IL1RAPL1: variants seen among roughly 807,000 people sequenced by gnomAD.
IL1RAPL1 encodes interleukin 1 receptor accessory protein like 1, also known as interleukin-1 receptor accessory protein-like 1.
A neutral mutation model predicts 48.4 loss-of-function variants in IL1RAPL1; 3 were observed. The observed-to-expected ratio is 0.06, with a 90% CI of 0.03 to 0.16. The LOEUF is 0.16. IL1RAPL1 is among the 10% of genes least tolerant of loss of function. IL1RAPL1 has a pLI of 1.00. For synonymous variants in IL1RAPL1, 185 were observed against 187.7 expected, an observed-to-expected ratio of 0.99 and a Z score of 0.12; for missense variants, 349 against 530.6, an observed-to-expected ratio of 0.66 and a Z score of 3.36.
At chrX:28,747,859 T>G (rs958579956) in intron 1 of IL1RAPL1, among the ~76,000 whole-genome samples, 34 of 111,792 alleles carry the variant, frequency 3.0e-4, no homozygotes, top group Non-Finnish European at 5.8e-4. Context: ...TCTGGAACAT[T>G]GTCTACCATT....
chrX:28,696,026 C>T (rs1421840044), intron 1 of IL1RAPL1, among the ~76,000 whole-genome samples: 2 of 112,037 alleles, frequency 1.8e-5, no homozygotes, highest in Non-Finnish European at 3.8e-5. Flanking sequence ...CAGGGTATAA[C>T]AAGATAATAC....
intron 5 of IL1RAPL1, among the ~76,000 whole-genome samples, chrX:29,509,756 A>T (rs998496082): frequency 1.8e-5 from 2 of 112,228 alleles, no homozygotes; most frequent in African/African-American, 6.5e-5. Context: ...GATATTTAGT[A>T]CATTTGAATG....
intron 6 of IL1RAPL1, among the ~76,000 whole-genome samples, chrX:29,767,554 T>G (rs1928944982): frequency 8.9e-6 from 1 of 112,095 alleles, no homozygotes; most frequent in South Asian, 3.7e-4. Flanking sequence ...CAGGTTAGCA[T>G]TAATTGCTAA....
At chrX:29,033,863 A>G (rs1926671656) in intron 2 of IL1RAPL1, among the ~76,000 whole-genome samples, 2 of 108,529 alleles carry the variant, frequency 1.8e-5, no homozygotes, top group African/African-American at 3.3e-5. Flanking sequence ...GGCAGTACCA[A>G]TGAGAATGAA....
At chrX:29,045,981 T>C (rs868575307) in intron 2 of IL1RAPL1, among the ~76,000 whole-genome samples, 1 of 77,660 alleles carries the variant, frequency 1.3e-5, no homozygotes, top group African/African-American at 5.3e-5. Flanking sequence ...CTCCTCCTTC[T>C]TCCTCCTCCT....
chrX:29,554,858 A>G (rs2084641432), intron 5 of IL1RAPL1, among the ~76,000 whole-genome samples: 1 of 112,540 alleles, frequency 8.9e-6, no homozygotes, highest in African/African-American at 3.2e-5. Flanking sequence ...ACTCATGTAC[A>G]TAAACACACT....
intron 1 of IL1RAPL1, among the ~76,000 whole-genome samples, chrX:28,619,524 T>C (rs1419851478): frequency 9.7e-6 from 1 of 102,985 alleles, no homozygotes; most frequent in Non-Finnish European, 1.9e-5. Context: ...GGAGGATTGC[T>C]GGAGCCCAGG....
chrX:28,684,062 A>G (rs1015086486), intron 1 of IL1RAPL1, among the ~76,000 whole-genome samples: 3 of 112,532 alleles, frequency 2.7e-5, no homozygotes, highest in East Asian at 2.8e-4. Flanking sequence ...TCTGTTTACC[A>G]TAGCTTGACC....
intron 2 of IL1RAPL1, among the ~76,000 whole-genome samples, chrX:29,123,699 T>C (rs1032106589): frequency 3.6e-5 from 4 of 111,353 alleles, no homozygotes; most frequent in African/African-American, 1.3e-4. Flanking sequence ...ATTTAAAAAT[T>C]TTTTGAGATT....
intron 3 of IL1RAPL1, among the ~76,000 whole-genome samples, chrX:29,297,060 T>G (rs1005270203): frequency 1.8e-5 from 2 of 111,911 alleles, no homozygotes; most frequent in African/African-American, 3.2e-5. Context: ...TCTATCAATT[T>G]TTTCTCATGA....
intron 2 of IL1RAPL1, among the ~76,000 whole-genome samples, chrX:28,983,221 T>C (rs1315088216): frequency 3.6e-5 from 4 of 111,310 alleles, no homozygotes; most frequent in Non-Finnish European, 7.5e-5. Flanking sequence ...CAGACTAAAA[T>C]TTCCCCAATT....
chrX:29,335,350 T>G (rs763609083), intron 3 of IL1RAPL1, among the ~76,000 whole-genome samples: 3 of 70,897 alleles, frequency 4.2e-5, no homozygotes, highest in African/African-American at 1.6e-4. Flanking sequence ...GAGGGAGAGC[T>G]ATTCTAAGGT....
chrX:29,815,601 G>A (rs1240854969), intron 6 of IL1RAPL1, among the ~76,000 whole-genome samples: 3 of 110,969 alleles, frequency 2.7e-5, no homozygotes, highest in African/African-American at 9.8e-5. Context: ...TTCTGGCTGA[G>A]AATTCAGTAT....
At chrX:28,712,591 T>C (rs1569156456) in intron 1 of IL1RAPL1, among the ~76,000 whole-genome samples, 1 of 111,754 alleles carries the variant, frequency 8.9e-6, no homozygotes, top group East Asian at 2.8e-4. Context: ...TTGGATGTCT[T>C]GAAGAAGAGT....
chrX:29,329,415 T>A (rs1241492781), intron 3 of IL1RAPL1, among the ~76,000 whole-genome samples: 3 of 111,957 alleles, frequency 2.7e-5, no homozygotes, highest in Non-Finnish European at 5.6e-5. Context: ...CATAGCATTA[T>A]TCATAATAGT....
At chrX:29,732,059 C>A (rs749906714) in intron 6 of IL1RAPL1, among the ~76,000 whole-genome samples, 39 of 111,766 alleles carry the variant, frequency 3.5e-4, no homozygotes, top group Non-Finnish European at 6.0e-4. Flanking sequence ...CTTTATTTTT[C>A]TAAATTTGAG....
At chrX:29,683,179 C>T (rs1242746123) in intron 6 of IL1RAPL1, among the ~76,000 whole-genome samples, 1 of 111,978 alleles carries the variant, frequency 8.9e-6, no homozygotes, top group Non-Finnish European at 1.9e-5. Flanking sequence ...GACTTTATTA[C>T]TGGGCACAAG....
At chrX:29,613,592 A>G (rs775027556) in intron 5 of IL1RAPL1, among the ~76,000 whole-genome samples, 35 of 110,733 alleles carry the variant, frequency 3.2e-4, no homozygotes, top group African/African-American at 1.1e-3. Context: ...TAAATTCAAC[A>G]TTGACAACAA....
chrX:29,009,244 G>A (rs1389495042), intron 2 of IL1RAPL1, among the ~76,000 whole-genome samples: 4 of 111,519 alleles, frequency 3.6e-5, no homozygotes, highest in Non-Finnish European at 5.7e-5. Context: ...TGTCTATTGG[G>A]TACTATGCTC....
Sources: allele counts gnomAD v4.1 joint callset (sites outside exome capture counted in the v4.1 genomes callset), GRCh38; gene constraint gnomAD v4.1.1; transcripts MANE v1.5; gene names NCBI Gene and HGNC (gene_info 2026-07-23, HGNC 2026-07-21).